The following LMOD1 variants were observed in gnomAD, a reference collection of about 807,000 sequenced individuals.
The protein encoded by LMOD1 is leiomodin 1.
In LMOD1, 8 loss-of-function variants were observed where a neutral mutation model predicts 36.5. That is an observed-to-expected ratio of 0.22 (90% CI 0.13 to 0.40). LMOD1 has a LOEUF of 0.40. Ranked by LOEUF, LMOD1 falls within the 10% of genes least tolerant of loss-of-function variation. The pLI, the probability that LMOD1 is intolerant of heterozygous loss-of-function variation, is 1.00. For missense variants in LMOD1, 630 were observed against 751.1 expected, an observed-to-expected ratio of 0.84 and a Z score of 1.88; for synonymous variants, 284 against 288.7, an observed-to-expected ratio of 0.98 and a Z score of 0.17.
At chr1:201,932,574 A>G (rs998966986) in intron 1 of LMOD1, among the ~76,000 whole-genome samples, 1 of 152,046 alleles carries the variant, frequency 6.6e-6, no homozygotes, top group Non-Finnish European at 1.5e-5. Context: ...CAACATGGCA[A>G]AACCCTGTCT....
chr1:201,940,375 TG>T (rs1466559116), intron 1 of LMOD1, among the ~76,000 whole-genome samples: 1 of 150,756 alleles, frequency 6.6e-6, no homozygotes, highest in African/African-American at 2.4e-5. Context: ...TTAGTAGAGA[TG>T]GGGTTTTACC....
At chr1:201,936,231 C>T (rs1195353185) in intron 1 of LMOD1, among the ~76,000 whole-genome samples, 1 of 151,936 alleles carries the variant, frequency 6.6e-6, no homozygotes, top group African/African-American at 2.4e-5. Flanking sequence ...TGAGCTCTCA[C>T]CTGAGAGACA....
chr1:201,936,486 T>C (rs1035100243), intron 1 of LMOD1, among the ~76,000 whole-genome samples: 3 of 152,120 alleles, frequency 2.0e-5, no homozygotes, highest in Non-Finnish European at 4.4e-5. Flanking sequence ...TCCTCCAGGC[T>C]CCTTCCCCAC....
In LMOD1 at chr1:201,917,954, T is replaced by A. The variant is rs988581404; in HGVS notation, c.262-17203A>T. On this transcript the variant is annotated intron_variant, in intron 1 of 2. Transcript: ENST00000367288. ...AGGAGCAGCTTTATGGTGTCTGACC[T>A]CTGCAGTGCTCCAGGGCCCCATGCT... Among the ~76,000 whole-genome samples, 37 of 152,238 alleles carry A rather than the reference T, an allele frequency of 2.4e-4. 1 individual carries two copies. Among genetic ancestry groups the A allele is most frequent in the African/African-American group, 8.0e-4 (33 of 41,466 alleles).
intron 1 of LMOD1, among the ~76,000 whole-genome samples, chr1:201,914,576 T>G (rs1243777840): frequency 6.6e-6 from 1 of 152,126 alleles, no homozygotes. Flanking sequence ...CTCCCTTCTC[T>G]TAGTATCTCT....
intron 1 of LMOD1, among the ~76,000 whole-genome samples, chr1:201,921,487 C>CAA (rs57488982): frequency 4.3e-4 from 26 of 59,790 alleles, no homozygotes; most frequent in African/African-American, 1.3e-3. Context: ...GACTCCATCT[C>CAA]AAAAAAAAAA....
At chr1:201,904,594 C>G (rs971144711) in intron 1 of LMOD1, among the ~76,000 whole-genome samples, 7 of 152,302 alleles carry the variant, frequency 4.6e-5, no homozygotes, top group Non-Finnish European at 5.9e-5. Context: ...CCACTCCTTC[C>G]TAGTTACCTC....
chr1:201,922,868 A>G (rs1331671168), intron 1 of LMOD1, among the ~76,000 whole-genome samples: 1 of 151,994 alleles, frequency 6.6e-6, no homozygotes, highest in Non-Finnish European at 1.5e-5. Flanking sequence ...TCTGTCACCC[A>G]GGCTGGAGTG....
chr1:201,940,439 C>A (rs993766650), intron 1 of LMOD1, among the ~76,000 whole-genome samples: 4 of 152,004 alleles, frequency 2.6e-5, no homozygotes, highest in African/African-American at 9.7e-5. Flanking sequence ...CCCGCCTCGG[C>A]CTCCCCAAGC....
intron 1 of LMOD1, among the ~76,000 whole-genome samples, chr1:201,903,183 G>A (rs1016535199): frequency 6.6e-6 from 1 of 152,252 alleles, no homozygotes; most frequent in African/African-American, 2.4e-5. Context: ...TATGGAAACG[G>A]TTTGTACCTG....
intron 1 of LMOD1, among the ~76,000 whole-genome samples, chr1:201,918,511 C>G (rs142598906): frequency 7.9e-5 from 12 of 152,332 alleles, no homozygotes; most frequent in African/African-American, 2.9e-4. Context: ...CCTGCCTGCA[C>G]TCTGGTTACA....
chr1:201,903,104 C>T (rs552853700), intron 1 of LMOD1, among the ~76,000 whole-genome samples: 11 of 152,166 alleles, frequency 7.2e-5, no homozygotes, highest in Admixed American at 7.2e-4. Context: ...CTCTGTCGCA[C>T]TCTCGGGCCC....
intron 1 of LMOD1, among the ~76,000 whole-genome samples, chr1:201,919,950 T>C (rs974147195): frequency 4.0e-5 from 6 of 151,540 alleles, no homozygotes; most frequent in African/African-American, 1.5e-4. Context: ...CCTTTTTCAG[T>C]GTCTTCCTAA....
At chr1:201,917,018 A>G (rs1681623933) in intron 1 of LMOD1, among the ~76,000 whole-genome samples, 1 of 152,214 alleles carries the variant, frequency 6.6e-6, no homozygotes, top group Non-Finnish European at 1.5e-5. Flanking sequence ...CAGGCTTTAC[A>G]AGAGGAGTGA....
Position 201,896,932 on chromosome 1 carries a change from C to A in LMOD1, c.*1440G>T, listed in dbSNP as rs575094191. ...AAAGATGGTGAAACTGCTGTGCCTC[C>A]TGCTGTTGAGGCAACCTGGAGGCAG... On this transcript the variant is annotated 3_prime_UTR_variant, in exon 3 of 3. Transcript: ENST00000367288. 6 of 351,320 alleles carry A rather than the reference C, an allele frequency of 1.7e-5. No homozygotes were observed. The East Asian group carries it at 4.5e-4, about 26-fold the overall frequency. The allele number at this position is 351,320 out of a possible 1,614,324, so 21.8% of individuals were successfully genotyped here.
At chr1:201,943,469 C>G (rs911927283) in intron 1 of LMOD1, among the ~76,000 whole-genome samples, 28 of 152,222 alleles carry the variant, frequency 1.8e-4, no homozygotes, top group Admixed American at 1.8e-3. Context: ...AGGGCTGCAG[C>G]CAGGCCAGCA....
chr1:201,922,199 A>C (rs532558186), intron 1 of LMOD1, among the ~76,000 whole-genome samples: 23 of 152,144 alleles, frequency 1.5e-4, no homozygotes, highest in Non-Finnish European at 2.8e-4. Flanking sequence ...CAAAAAGTTA[A>C]ACATAGAGTT....
rs142491617 is a variant in LMOD1 at position 201,914,094 on chromosome 1, G to C, written c.262-13343C>G. On this transcript the variant is annotated intron_variant, in intron 1 of 2. Transcript: ENST00000367288. ...ACCCACCTTGACTGCTTCACCTCTTGTTCTATCCAGCACGTCAGTCATCAC... is the reference window on the plus strand; with the variant it reads ...ACCCACCTTGACTGCTTCACCTCTTCTTCTATCCAGCACGTCAGTCATCAC... Among the ~76,000 whole-genome samples the C allele has an allele frequency of 3.0e-3, 450 of 152,174 alleles. 2 individuals are homozygous for C. Among genetic ancestry groups the C allele is most frequent in the African/African-American group, 9.6e-3 (397 of 41,510 alleles).
At chr1:201,921,170 AT>A (rs1371399940) in intron 1 of LMOD1, among the ~76,000 whole-genome samples, 1 of 151,686 alleles carries the variant, frequency 6.6e-6, no homozygotes, top group African/African-American at 2.4e-5. Flanking sequence ...CCATGACAAA[AT>A]TTAAATGCCT....
Sources: gnomAD v4.1 joint callset for allele counts (sites outside exome capture counted in the v4.1 genomes callset) on GRCh38, gnomAD v4.1.1 for gene constraint, MANE v1.5 for transcripts, NCBI Gene and HGNC (gene_info 2026-07-23, HGNC 2026-07-21) for gene names.